Variants in ZNF618 observed in about 807,000 individuals in gnomAD.
ZNF618 encodes the protein zinc finger protein 618.
In ZNF618, 34 loss-of-function variants were observed where a neutral mutation model predicts 103.0. That is an observed-to-expected ratio of 0.33 (90% confidence interval 0.25 to 0.44). The LOEUF (loss-of-function observed/expected upper bound fraction) is 0.44. Among genes scored for constraint, ZNF618 ranks in the 20% least tolerant of loss-of-function variants. ZNF618 has a pLI of 1.00. For synonymous variants in ZNF618, 551 were observed against 542.2 expected (o/e 1.02, Z -0.23); for missense variants, 1,059 against 1,295.4 (o/e 0.82, Z 2.80).
intron 9 of ZNF618, chr9:114,016,111 A>T: frequency 6.2e-7 from 1 of 1,608,066 alleles, no homozygotes; most frequent in Non-Finnish European, 8.5e-7. Flanking sequence ...ATTTTCCCCC[A>T]GTGAACAATA....
intron 1 of ZNF618, among the ~76,000 whole-genome samples, chr9:113,932,482 A>G (rs1833678922): frequency 6.6e-6 from 1 of 152,134 alleles, no homozygotes; most frequent in Admixed American, 6.5e-5. Context: ...GCTATGAGGG[A>G]AAGAATGGAA....
intron 1 of ZNF618, among the ~76,000 whole-genome samples, chr9:113,946,583 C>T (rs1835055347): frequency 6.6e-6 from 1 of 152,146 alleles, no homozygotes; most frequent in Non-Finnish European, 1.5e-5. Context: ...AGGGACTCGG[C>T]CCTGACCCAG....
intron 2 of ZNF618, among the ~76,000 whole-genome samples, chr9:113,984,770 T>A (rs1839304450): frequency 6.6e-6 from 1 of 152,130 alleles, no homozygotes; most frequent in Non-Finnish European, 1.5e-5. Context: ...ACCCATGAGG[T>A]CTTAGCTAGG....
intron 1 of ZNF618, among the ~76,000 whole-genome samples, chr9:113,903,425 A>G (rs962174092): frequency 4.0e-5 from 6 of 151,588 alleles, no homozygotes; most frequent in South Asian, 4.2e-4. Context: ...TTCTCACTTA[A>G]TAGGGTGTTC....
chr9:113,900,341 C>T (rs921474359), intron 1 of ZNF618, among the ~76,000 whole-genome samples: 4 of 152,136 alleles, frequency 2.6e-5, no homozygotes, highest in Admixed American at 6.5e-5. Context: ...GGATTACAGG[C>T]GTGAGCCACC....
intron 1 of ZNF618, among the ~76,000 whole-genome samples, chr9:113,931,981 C>G (rs1833628328): frequency 6.6e-6 from 1 of 152,128 alleles, no homozygotes; most frequent in African/African-American, 2.4e-5. Context: ...ATTTATTCAA[C>G]ATGTATTTAT....
At chr9:113,935,936 C>T (rs1302234533) in intron 1 of ZNF618, among the ~76,000 whole-genome samples, 2 of 152,162 alleles carry the variant, frequency 1.3e-5, no homozygotes, top group Non-Finnish European at 2.9e-5. Context: ...CGTGGGTCAT[C>T]TGAGATCACA....
At chr9:113,963,102 T>G (rs955779344) in intron 1 of ZNF618, among the ~76,000 whole-genome samples, 4 of 152,170 alleles carry the variant, frequency 2.6e-5, no homozygotes, top group African/African-American at 9.7e-5. Context: ...GATATATAAA[T>G]AAAGCTTGAG....
intron 1 of ZNF618, among the ~76,000 whole-genome samples, chr9:113,932,990 G>A (rs770522745): frequency 4.6e-5 from 7 of 152,142 alleles, no homozygotes; most frequent in Non-Finnish European, 8.8e-5. Flanking sequence ...GAGAGGAGGA[G>A]GAACCGGTCA....
chr9:113,876,402 G>A lies in ZNF618; in HGVS notation c.22G>A (p.Ala8Thr). Residue 8 changes from alanine to threonine, a missense_variant, in exon 1 of 15, where the codon GCG becomes ACG. Around this residue, in one of 6 missense-constraint regions of ZNF618, gnomAD observed 194 missense variants for 209.0 expected, o/e 0.93. Coordinates refer to ENST00000374126, the MANE Select transcript of ZNF618 (RefSeq NM_001318042.2). ...ACCCATGAACCAGCCGGGCGGCGCG[G>A]CGGCTCCGCAGGTACGACGGGGGGC... is the stretch of plus-strand genomic sequence containing the variant. MNQPGGA[A>T]APQADGASAA... 8.3e-7 allele frequency: 1 copy of A among 1,201,798 alleles called. No individual in the cohort carries two copies. The highest frequency in any genetic ancestry group is 1.0e-6 in the Non-Finnish European group (1 of 968,806). 74.4% of individuals were successfully genotyped at this position (1,201,798 alleles called of 1,614,324 possible). A position where few individuals can be genotyped will look rare whatever the true frequency, so the allele number is the denominator to read the frequency against.
intron 1 of ZNF618, among the ~76,000 whole-genome samples, chr9:113,937,134 C>T (rs1834097704): frequency 6.6e-6 from 1 of 152,134 alleles, no homozygotes; most frequent in South Asian, 2.1e-4. Flanking sequence ...TTTTGAAAAA[C>T]TTATTTCGAC....
intron 1 of ZNF618, among the ~76,000 whole-genome samples, chr9:113,964,136 G>A (rs928025573): frequency 6.6e-6 from 1 of 152,106 alleles, no homozygotes; most frequent in African/African-American, 2.4e-5. Flanking sequence ...TCTTGGAAAT[G>A]CCCCCTCCAA....
chr9:113,938,342 TAA>T (rs56218119), intron 1 of ZNF618, among the ~76,000 whole-genome samples: 1 of 141,032 alleles, frequency 7.1e-6, no homozygotes, highest in Non-Finnish European at 1.5e-5. Flanking sequence ...CCTGGCTAAT[TAA>T]AAAAAAAAAA....
intron 2 of ZNF618, among the ~76,000 whole-genome samples, chr9:113,987,420 A>C (rs1839588781): frequency 6.6e-6 from 1 of 152,182 alleles, no homozygotes; most frequent in Non-Finnish European, 1.5e-5. Flanking sequence ...CAGAACTGAC[A>C]TCATTACCTC....
At chr9:113,891,327 A>G (rs930989268) in intron 1 of ZNF618, among the ~76,000 whole-genome samples, 1 of 152,262 alleles carries the variant, frequency 6.6e-6, no homozygotes, top group South Asian at 2.1e-4. Context: ...CCATTAAAAA[A>G]TGGGCGAAGA....
chr9:113,987,755 A>G (rs1474760019), intron 2 of ZNF618, among the ~76,000 whole-genome samples: 2 of 152,182 alleles, frequency 1.3e-5, no homozygotes, highest in Admixed American at 1.3e-4. Context: ...ACCACTCGGG[A>G]GGCCGAGGTG....
chr9:113,927,455 T>C (rs111329230), intron 1 of ZNF618, among the ~76,000 whole-genome samples: 2,052 of 152,302 alleles, frequency 0.013, 57 homozygotes, highest in African/African-American at 0.047. Flanking sequence ...AGGAGTCCTG[T>C]TGATGTGGTG....
At chr9:113,903,717 G>A (rs1441835630) in intron 1 of ZNF618, among the ~76,000 whole-genome samples, 2 of 151,948 alleles carry the variant, frequency 1.3e-5, no homozygotes, top group African/African-American at 4.8e-5. Flanking sequence ...AGGGTTTTTT[G>A]TTTGTTTCTT....
intron 1 of ZNF618, among the ~76,000 whole-genome samples, chr9:113,928,504 A>G (rs1407355792): frequency 2.0e-5 from 3 of 152,170 alleles, no homozygotes; most frequent in African/African-American, 7.2e-5. Flanking sequence ...GCCAGACCTG[A>G]CGTATCTATT....
Sources: gnomAD v4.1 joint callset for allele counts (sites outside exome capture counted in the v4.1 genomes callset) on GRCh38, gnomAD v4.1.1 for gene constraint, gnomAD v4.1.1 regional missense constraint, MANE v1.5 for transcripts, NCBI Gene and HGNC (gene_info 2026-07-23, HGNC 2026-07-21) for gene names.